ENTPD6: variants seen among roughly 807,000 people sequenced by gnomAD.
ENTPD6 encodes the protein ectonucleoside triphosphate diphosphohydrolase 6.
ENTPD6 carries 46 observed loss-of-function variants against 61.5 expected under a neutral mutation model. The ratio of observed to expected loss-of-function variants is 0.75; its 90% CI spans 0.59 to 0.96. ENTPD6 has a LOEUF of 0.96. Among genes scored for constraint, ENTPD6 ranks in the 40% least tolerant of loss-of-function variants. ENTPD6 has a pLI of 0.00. For synonymous variants in ENTPD6, 252 were observed against 255.5 expected, an observed-to-expected ratio of 0.99 and a Z score of 0.13; for missense variants, 612 against 629.0, an observed-to-expected ratio of 0.97 and a Z score of 0.29.
At chr20:25,210,345 A>G (rs1332270612) in intron 4 of ENTPD6, among the ~76,000 whole-genome samples, 2 of 149,952 alleles carry the variant, frequency 1.3e-5, no homozygotes, top group East Asian at 4.0e-4. Context: ...ACATTGACTG[A>G]AAAAAAAAAA....
At chr20:25,217,407 C>T in intron 8 of ENTPD6, 95 bp from the exon 9 acceptor site, 1 of 1,206,522 alleles carries the variant, frequency 8.3e-7, no homozygotes, top group Non-Finnish European at 1.2e-6. Flanking sequence ...TTGGCTGCAC[C>T]TGACCATCCC....
At chr20:25,215,816 C>T (rs2092281298) in intron 7 of ENTPD6, 105 bp downstream of exon 7, 2 of 1,247,844 alleles carry the variant, frequency 1.6e-6, no homozygotes, top group Non-Finnish European at 2.4e-6. Flanking sequence ...TTTAAGATAA[C>T]CCCTCAGGGT....
intron 1 of ENTPD6, among the ~76,000 whole-genome samples, chr20:25,205,775 A>G (rs571966241): frequency 6.6e-6 from 1 of 152,280 alleles, no homozygotes; most frequent in South Asian, 2.1e-4. Context: ...GCACTGTGGC[A>G]GTGCTTGTCT....
At chr20:25,208,940 G>A (rs908640912) in intron 3 of ENTPD6, among the ~76,000 whole-genome samples, 10 of 151,584 alleles carry the variant, frequency 6.6e-5, no homozygotes, top group East Asian at 5.8e-4. Flanking sequence ...TTTTTGAGAC[G>A]GAGTCTCGCT....
chr20:25,211,179 G>C (rs2091937887), intron 4 of ENTPD6, among the ~76,000 whole-genome samples: 1 of 152,214 alleles, frequency 6.6e-6, no homozygotes, highest in African/African-American at 2.4e-5. Context: ...TCATGAGCTA[G>C]TACATTGCTC....
At chr20:25,197,376 C>A in intron 1 of ENTPD6, 2 of 352,454 alleles carry the variant, frequency 5.7e-6, no homozygotes, top group Non-Finnish European at 8.0e-6. Flanking sequence ...TCTCTGTTTG[C>A]CTGTGTGCAC....
intron 2 of ENTPD6, 24 bp from the exon 3 acceptor site, chr20:25,207,052 C>T: frequency 6.3e-7 from 1 of 1,578,764 alleles, no homozygotes; most frequent in Non-Finnish European, 8.6e-7. Context: ...CGTGCTTTTC[C>T]TGCCTCTCCC....
intron 3 of ENTPD6, among the ~76,000 whole-genome samples, chr20:25,207,742 T>C (rs1388732186): frequency 6.6e-6 from 1 of 152,174 alleles, no homozygotes; most frequent in Non-Finnish European, 1.5e-5. Flanking sequence ...TATCCCCAGA[T>C]TCAGTCCCAT....
chr20:25,217,604 G>A lies in ENTPD6; in HGVS notation c.878+23G>A, dbSNP rs750947079. On this transcript the variant is annotated intron_variant, in intron 9 of 14. Transcript: ENST00000376652. ...CAGGTCTGCTTTCGGGAACAGGCGT[G>A]GGGAGGCGCCATGGGGTGGGTATGC... The A allele has an allele frequency of 8.1e-6, 13 of 1,609,602 alleles. No individual in the cohort carries two copies. The East Asian group carries it at 2.9e-4, about 36-fold the overall frequency.
chr20:25,207,065 C>T lies in ENTPD6; in HGVS notation c.55-11C>T, dbSNP rs375055365. The T allele has an allele frequency of 1.9e-6, 3 of 1,591,806 alleles. No homozygotes were observed. The South Asian group carries it at 3.4e-5, about 18-fold the overall frequency. On this transcript the variant is annotated splice_polypyrimidine_tract_variant and intron_variant, in intron 2 of 14. Transcript: ENST00000376652. ...AACGTGCTTTTCCTGCCTCTCCCCC[C>T]TTCCCACCAGCAGCCGCAGCACGGT...
At chr20:25,215,856 G>A in intron 7 of ENTPD6, 145 bp downstream of exon 7, 1 of 867,590 alleles carries the variant, frequency 1.2e-6, no homozygotes, top group Non-Finnish European at 1.9e-6. Context: ...ACCATAGGGT[G>A]TTGGGGATGG....
In ENTPD6 at chr20:25,225,577, C is replaced by A; in HGVS notation, c.1435C>A (p.Gln479Lys). The change falls in exon 15 of 15, where the codon CAG (glutamine) becomes AAG (lysine). Residue 479 changes from glutamine to lysine, a missense_variant. Transcript: ENST00000376652. The part of the protein sequence containing the change: ...IFHYIDSLNR[Q>K]KSPAS ...TCATTACATCGACTCCCTGAACAGA[C>A]AGAAGAGTCCAGCCTCATAGTGGCC... 6.2e-7 allele frequency: 1 copy of A among 1,613,990 alleles called. No individual in the cohort carries two copies. The highest frequency in any genetic ancestry group is 8.5e-7 in the Non-Finnish European group (1 of 1,179,902).
chr20:25,216,563 G>A, intron 7 of ENTPD6, 85 bp from the exon 8 acceptor site: 1 of 940,250 alleles, frequency 1.1e-6, no homozygotes, highest in Non-Finnish European at 1.7e-6. Flanking sequence ...TCTTTCCCCT[G>A]AGGGCCTGGC....
chr20:25,195,752 C>A lies in ENTPD6; in HGVS notation c.-131C>A. Reference sequence around the variant, plus strand: ...TAGGGAATCGTGGGGTCGTATCCCGCGGGTGGAGGCCGGGGTGGCGCCGGC... The same window carrying A: ...TAGGGAATCGTGGGGTCGTATCCCGAGGGTGGAGGCCGGGGTGGCGCCGGC... On this transcript the variant is annotated 5_prime_UTR_variant, in exon 1 of 15. Transcript: ENST00000376652. The A allele has an allele frequency of 2.3e-6, 2 of 862,936 alleles. No homozygotes were observed. The highest frequency in any genetic ancestry group is 3.1e-6 in the Non-Finnish European group (2 of 644,194). The allele number at this position is 862,936 out of a possible 1,614,324, so 53.5% of individuals were successfully genotyped here.
In ENTPD6 at chr20:25,206,498, C is replaced by T. The variant is rs376698550; in HGVS notation, c.-15-24C>T. 1.1e-5 allele frequency: 17 copies of T among 1,583,604 alleles called. No homozygotes were observed. The African/African-American group carries it at 2.0e-4, about 19-fold the overall frequency. ...AATTTTTGTAGGCTTTGGAAGTACA[C>T]AGACATTATTTTCTCCTTGGCAGGA... On this transcript the variant is annotated intron_variant, in intron 1 of 14. Transcript: ENST00000376652.
chr20:25,199,561 G>A (rs2122441798), intron 1 of ENTPD6, among the ~76,000 whole-genome samples: 1 of 152,276 alleles, frequency 6.6e-6, no homozygotes, highest in East Asian at 1.9e-4. Context: ...GTGGCATTAA[G>A]TACATTCACA....
chr20:25,221,201 C>T (rs1568647145), intron 10 of ENTPD6, 31 bp from the exon 11 acceptor site: 2 of 1,574,520 alleles, frequency 1.3e-6, no homozygotes. Flanking sequence ...ATATACCTTC[C>T]TTTCTCTTTC....
rs11539326 is a variant in ENTPD6, at chr20:25,195,826, G to A, written c.-57G>A. On this transcript the variant is annotated 5_prime_UTR_variant, in exon 1 of 15. Coordinates refer to ENST00000376652, the MANE Select transcript of ENTPD6 (RefSeq NM_001247.5). ...CGGCTGCCGCCTGCTCCCCGGAAAA[G>A]GGCACTCGTCTCCGTGGGTGTGGCG... 9.5e-3 allele frequency: 11,822 copies of A among 1,240,482 alleles called. 66 individuals are homozygous for A. Among genetic ancestry groups the A allele is most frequent in the Middle Eastern group, 0.028 (96 of 3,468 alleles). The allele number at this position is 1,240,482 out of a possible 1,614,324, so 76.8% of individuals were successfully genotyped here. A position where few individuals can be genotyped will look rare whatever the true frequency, so the allele number is the denominator to read the frequency against.
intron 5 of ENTPD6, 44 bp downstream of exon 5, chr20:25,213,450 G>T (rs2092115526): frequency 2.6e-6 from 4 of 1,550,224 alleles, no homozygotes; most frequent in Middle Eastern, 2.0e-4. Flanking sequence ...GCCCTCAGGG[G>T]CAACTGATGA....
Sources: gnomAD v4.1 joint callset for allele counts (sites outside exome capture counted in the v4.1 genomes callset) on GRCh38, gnomAD v4.1.1 for gene constraint, MANE v1.5 for transcripts, NCBI Gene and HGNC (gene_info 2026-07-23, HGNC 2026-07-21) for gene names.